Variants in HHLA2 observed in about 807,000 individuals in gnomAD.
The protein encoded by HHLA2 is HHLA2 member of B7 family.
HHLA2 carries 48 observed loss-of-function variants against 45.9 expected under a neutral mutation model. That is an observed-to-expected ratio of 1.05 (90% confidence interval 0.83 to 1.33). HHLA2 has a LOEUF of 1.33. Among genes scored for constraint, HHLA2 ranks in the 40% most tolerant of loss-of-function variants. HHLA2 has a pLI of 0.00. For synonymous variants in HHLA2, 161 were observed against 173.9 expected, an observed-to-expected ratio of 0.93 and a Z score of 0.59; for missense variants, 462 against 494.3, an observed-to-expected ratio of 0.93 and a Z score of 0.62.
intron 1 of HHLA2, among the ~76,000 whole-genome samples, chr3:108,305,223 T>A (rs752179): frequency 0.2 from 31,109 of 152,124 alleles, 4,315 homozygotes; most frequent in Non-Finnish European, 0.29. Flanking sequence ...GATGCTTTAT[T>A]TGGGAGGTTA....
intron 7 of HHLA2, among the ~76,000 whole-genome samples, chr3:108,360,779 A>G (rs2081972820): frequency 6.6e-6 from 1 of 152,256 alleles, no homozygotes; most frequent in South Asian, 2.1e-4. Flanking sequence ...TTTGGACTAC[A>G]GTTGACCATG....
exon 8 of HHLA2, chr3:108,362,345 C>T (rs749432345): frequency 6.7e-5 from 108 of 1,604,432 alleles, no homozygotes; most frequent in Non-Finnish European, 8.8e-5. Flanking sequence ...TTTTTAGAAC[C>T]GAGCCAAGAA....
intron 8 of HHLA2, among the ~76,000 whole-genome samples, chr3:108,367,259 CA>C (rs1429843777): frequency 2.6e-5 from 4 of 152,136 alleles, no homozygotes; most frequent in African/African-American, 9.7e-5. Context: ...AAAACCAGCA[CA>C]AAAATGCTGA....
chr3:108,330,806 A>T (rs143322559), intron 3 of HHLA2, among the ~76,000 whole-genome samples: 34 of 152,318 alleles, frequency 2.2e-4, no homozygotes, highest in Non-Finnish European at 3.8e-4. Flanking sequence ...CTGTGCCAAG[A>T]TGCCTAACCC....
At chr3:108,314,371 A>C (rs1307120952) in intron 2 of HHLA2, among the ~76,000 whole-genome samples, 3 of 151,856 alleles carry the variant, frequency 2.0e-5, no homozygotes, top group Non-Finnish European at 2.9e-5. Flanking sequence ...CTACTCCTAC[A>C]TCCTTAGGCT....
chr3:108,353,867 T>G, intron 5 of HHLA2, 87 bp downstream of exon 4: 1 of 937,154 alleles, frequency 1.1e-6, no homozygotes, highest in East Asian at 2.6e-5. Context: ...TGCCATGAGC[T>G]TCCTTCCAAG....
chr3:108,309,247 A>G (rs2080979143), intron 1 of HHLA2, among the ~76,000 whole-genome samples: 1 of 152,172 alleles, frequency 6.6e-6, no homozygotes, highest in Admixed American at 6.5e-5. Flanking sequence ...TTTTGCAAGC[A>G]CCATATATTG....
At chr3:108,375,681 G>A (rs1274303607) in intron 8 of HHLA2, 69 bp from the exon 8 acceptor site, 7 of 1,558,390 alleles carry the variant, frequency 4.5e-6, no homozygotes, top group Non-Finnish European at 6.1e-6. Flanking sequence ...CCATACCAAG[G>A]TGACCTTACA....
intron 2 of HHLA2, among the ~76,000 whole-genome samples, chr3:108,323,267 G>C (rs952157240): frequency 1.3e-5 from 2 of 152,100 alleles, no homozygotes; most frequent in African/African-American, 2.4e-5. Context: ...GTAACTGAAA[G>C]AGTATAATTG....
At chr3:108,356,323 C>T (rs2081891621) in intron 6 of HHLA2, among the ~76,000 whole-genome samples, 1 of 152,118 alleles carries the variant, frequency 6.6e-6, no homozygotes, top group African/African-American at 2.4e-5. Context: ...AGCCACCGTG[C>T]CCAGCCTGTT....
intron 3 of HHLA2, among the ~76,000 whole-genome samples, chr3:108,334,894 G>C (rs1039377831): frequency 1.3e-5 from 2 of 152,152 alleles, no homozygotes; most frequent in Non-Finnish European, 2.9e-5. Flanking sequence ...GCTGGTGCCA[G>C]AAAAGCTGTC....
At chr3:108,345,798 T>C (rs1226607655) in intron 3 of HHLA2, among the ~76,000 whole-genome samples, 1 of 152,336 alleles carries the variant, frequency 6.6e-6, no homozygotes, top group East Asian at 1.9e-4. Context: ...TCGTAGTGCT[T>C]TTCCCAAGGG....
At chr3:108,333,360 A>T (rs890785787) in intron 3 of HHLA2, among the ~76,000 whole-genome samples, 1 of 152,174 alleles carries the variant, frequency 6.6e-6, no homozygotes, top group African/African-American at 2.4e-5. Context: ...CTTTTATATG[A>T]AAAGAAGTGA....
At chr3:108,313,913 T>C (rs1239327489) in intron 2 of HHLA2, among the ~76,000 whole-genome samples, 1 of 152,190 alleles carries the variant, frequency 6.6e-6, no homozygotes, top group African/African-American at 2.4e-5. Flanking sequence ...TTATGATGAC[T>C]TCATCAGACC....
intron 5 of HHLA2, among the ~76,000 whole-genome samples, chr3:108,354,363 A>G (rs765033529): frequency 1.2e-4 from 18 of 151,690 alleles, no homozygotes; most frequent in African/African-American, 2.2e-4. Flanking sequence ...TATACAGTTA[A>G]TATAACTATA....
chr3:108,371,265 C>A (rs543954131), intron 8 of HHLA2, among the ~76,000 whole-genome samples: 1 of 152,250 alleles, frequency 6.6e-6, no homozygotes, highest in African/African-American at 2.4e-5. Context: ...CCTTTACAGA[C>A]AAGCAAATGC....
At chr3:108,307,067 G>A (rs2080942418) in intron 1 of HHLA2, among the ~76,000 whole-genome samples, 1 of 152,062 alleles carries the variant, frequency 6.6e-6, no homozygotes. Flanking sequence ...CGTTGGCCAG[G>A]CTGGTCTTGA....
intron 1 of HHLA2, among the ~76,000 whole-genome samples, chr3:108,297,194 C>T (rs967693041): frequency 6.6e-6 from 1 of 152,106 alleles, no homozygotes; most frequent in African/African-American, 2.4e-5. Flanking sequence ...AGATTCAATT[C>T]TCATTGGGTT....
chr3:108,328,797 T>C (rs868847082), intron 3 of HHLA2, among the ~76,000 whole-genome samples: 1 of 151,938 alleles, frequency 6.6e-6, no homozygotes. Context: ...TAGTAGTTGT[T>C]ATATAGGGAA....
Sources: allele counts gnomAD v4.1 joint callset (sites outside exome capture counted in the v4.1 genomes callset), GRCh38; gene constraint gnomAD v4.1.1; transcripts MANE v1.5; gene names NCBI Gene and HGNC (gene_info 2026-07-23, HGNC 2026-07-21).